Variants in ZNRF1 observed in about 807,000 individuals in gnomAD.
The protein encoded by ZNRF1 is zinc and ring finger 1, also known as E3 ubiquitin-protein ligase ZNRF1.
Under a neutral mutation model 18.4 loss-of-function variants are expected in ZNRF1, and 3 were observed. The ratio of observed to expected loss-of-function variants is 0.16; its 90% CI spans 0.07 to 0.42. The LOEUF is 0.42. Among genes scored for constraint, ZNRF1 ranks in the 10% least tolerant of loss-of-function variants. The probability of loss-of-function intolerance (pLI) is 0.99; values close to 1 mark genes in which losing one functional copy is unlikely to be tolerated. For missense variants in ZNRF1, 310 were observed against 329.8 expected (o/e 0.94, Z 0.47); for synonymous variants, 157 against 144.2 (o/e 1.09, Z -0.64).
At chr16:75,043,236 T>C (rs1364427084) in intron 1 of ZNRF1, among the ~76,000 whole-genome samples, 1 of 152,214 alleles carries the variant, frequency 6.6e-6, no homozygotes, top group Non-Finnish European at 1.5e-5. Flanking sequence ...GCCAGCTTCA[T>C]GGTTGATTGC....
intron 1 of ZNRF1, among the ~76,000 whole-genome samples, chr16:75,023,833 C>A (rs565375534): frequency 2.6e-5 from 4 of 152,048 alleles, no homozygotes; most frequent in Admixed American, 2.0e-4. Context: ...TATTATGGAG[C>A]CCTACAGGGG....
intron 1 of ZNRF1, among the ~76,000 whole-genome samples, chr16:75,005,410 C>T (rs2034904796): frequency 6.6e-6 from 1 of 152,144 alleles, no homozygotes; most frequent in Non-Finnish European, 1.5e-5. Flanking sequence ...AACAAAGACC[C>T]ACCTCAATAT....
At position 75,095,614 on chromosome 16, in the gene ZNRF1, C is replaced by T. The variant is rs1199234603; in HGVS notation, c.520+1947C>T. ...TTGTTGTAGGAAGAATACAAAGAAG[C>T]CTCAGAGGGGCTCAGCCTGAGAAAA... is the stretch of plus-strand genomic sequence containing the variant. On this transcript the variant is annotated intron_variant, in intron 2 of 4. Transcript: ENST00000335325. 5 of 1,548,850 alleles carry T rather than the reference C, an allele frequency of 3.2e-6. No individual in the cohort carries two copies. The South Asian group carries it at 4.8e-5, about 15-fold the overall frequency.
intron 1 of ZNRF1, among the ~76,000 whole-genome samples, chr16:75,024,811 C>A (rs1483536147): frequency 1.3e-5 from 2 of 152,188 alleles, no homozygotes; most frequent in African/African-American, 4.8e-5. Context: ...GTTCTTCCTG[C>A]TTCTTTCGTG....
At chr16:75,012,281 A>G (rs1465116611) in intron 1 of ZNRF1, among the ~76,000 whole-genome samples, 1 of 152,238 alleles carries the variant, frequency 6.6e-6, no homozygotes, top group African/African-American at 2.4e-5. Context: ...ACACCGTTGT[A>G]GTGTAAAAGG....
intron 1 of ZNRF1, among the ~76,000 whole-genome samples, chr16:75,023,763 A>C (rs1452858440): frequency 6.6e-6 from 1 of 152,020 alleles, no homozygotes; most frequent in East Asian, 1.9e-4. Flanking sequence ...GGGAAGAGCC[A>C]CTGACCCCCA....
At chr16:75,075,518 G>A (rs1217887746) in intron 1 of ZNRF1, among the ~76,000 whole-genome samples, 1 of 152,236 alleles carries the variant, frequency 6.6e-6, no homozygotes, top group African/African-American at 2.4e-5. Context: ...GCTGGGAATG[G>A]ACTCAGACAG....
chr16:75,055,180 A>C (rs1298959150), intron 1 of ZNRF1, among the ~76,000 whole-genome samples: 1 of 151,866 alleles, frequency 6.6e-6, no homozygotes, highest in East Asian at 1.9e-4. Context: ...CGTCATTTGG[A>C]CTCTTTCCAT....
rs148546303 is a variant in ZNRF1 at position 75,039,635 on chromosome 16, C to G, written c.424+39540C>G. 4.6e-5 allele frequency among the ~76,000 whole-genome samples: 7 copies of G among 152,294 alleles called. No individual in the cohort carries two copies. The East Asian group carries it at 1.3e-3, about 29-fold the overall frequency. ...CATCTCTGGTGAGACTTTGAAATCT[C>G]TGTTTTTAATGACTGGTCCTGGAGC... is the stretch of plus-strand genomic sequence containing the variant. On this transcript the variant is annotated intron_variant, in intron 1 of 4. Transcript: ENST00000335325.
chr16:75,095,619 G>T lies in ZNRF1; in HGVS notation c.520+1952G>T, dbSNP rs559514067. ...GTAGGAAGAATACAAAGAAGCCTCA[G>T]AGGGGCTCAGCCTGAGAAAACCTGG... On this transcript the variant is annotated intron_variant, in intron 2 of 4. Coordinates refer to ENST00000335325, the MANE Select transcript of ZNRF1 (RefSeq NM_032268.5). The T allele has an allele frequency of 5.8e-6, 9 of 1,549,386 alleles. No homozygotes were observed. In the African/African-American group the frequency reaches 1.2e-4, roughly 21 times the overall value.
intron 1 of ZNRF1, among the ~76,000 whole-genome samples, chr16:75,030,754 A>G (rs2035291072): frequency 1.3e-5 from 2 of 151,430 alleles, no homozygotes; most frequent in African/African-American, 4.9e-5. Context: ...TATAACGCAT[A>G]GCTTTTAGCA....
chr16:75,004,209 T>G (rs1157212583), intron 1 of ZNRF1, among the ~76,000 whole-genome samples: 1 of 152,186 alleles, frequency 6.6e-6, no homozygotes, highest in African/African-American at 2.4e-5. Context: ...TTCTGTGTCC[T>G]AAAGTCTGGC....
chr16:75,033,686 C>T (rs1461993542), intron 1 of ZNRF1, among the ~76,000 whole-genome samples: 1 of 152,138 alleles, frequency 6.6e-6, no homozygotes, highest in African/African-American at 2.4e-5. Context: ...ATCTGTTTCC[C>T]TCGGCCTCCC....
chr16:75,053,668 C>G, intron 1 of ZNRF1, among the ~76,000 whole-genome samples: 1 of 151,922 alleles, frequency 6.6e-6, no homozygotes, highest in East Asian at 1.9e-4. Context: ...TTCCCTAATG[C>G]CCATGATAGA....
intron 1 of ZNRF1, among the ~76,000 whole-genome samples, chr16:75,004,761 C>T (rs554369082): frequency 9.2e-5 from 14 of 152,138 alleles, no homozygotes; most frequent in African/African-American, 3.4e-4. Flanking sequence ...CTCAGGTGCG[C>T]ACCACTACAC....
chr16:75,044,461 A>G (rs1012225334), intron 1 of ZNRF1, among the ~76,000 whole-genome samples: 1 of 151,812 alleles, frequency 6.6e-6, no homozygotes, highest in Non-Finnish European at 1.5e-5. Flanking sequence ...TCCTGATCTC[A>G]AGTGATCTGC....
chr16:75,070,230 A>C (rs942517888), intron 1 of ZNRF1, among the ~76,000 whole-genome samples: 14 of 152,108 alleles, frequency 9.2e-5, no homozygotes, highest in Non-Finnish European at 1.6e-4. Context: ...AGGGACCTTC[A>C]TGTTTGGCAG....
intron 1 of ZNRF1, among the ~76,000 whole-genome samples, chr16:75,059,255 T>TA (rs1413232587): frequency 1.4e-5 from 2 of 138,432 alleles, no homozygotes; most frequent in Non-Finnish European, 3.1e-5. Context: ...CTTTTTTTTT[T>TA]TTTTTTTGTG....
chr16:75,010,701 G>GTT lies in ZNRF1; in HGVS notation c.424+10614_424+10615dup, dbSNP rs1334552920. On this transcript the variant is annotated intron_variant, in intron 1 of 4. Transcript: ENST00000335325. ...AAATTAGTCACCTCTGTACTGTACT[G>GTT]TTTTTTTTTGTTTTTTTGTTTTTTT... Among the ~76,000 whole-genome samples the GTT allele has an allele frequency of 3.9e-4, 25 of 63,804 alleles. 1 individual carries two copies. Among genetic ancestry groups the GTT allele is most frequent in the East Asian group, 1.5e-3 (1 of 648 alleles). 41.9% of individuals were successfully genotyped at this position (63,804 alleles called of 152,430 possible). A position where few individuals can be genotyped will look rare whatever the true frequency, so the allele number is the denominator to read the frequency against.
Sources: gnomAD v4.1 joint callset for allele counts (sites outside exome capture counted in the v4.1 genomes callset) on GRCh38, gnomAD v4.1.1 for gene constraint, MANE v1.5 for transcripts, NCBI Gene and HGNC (gene_info 2026-07-23, HGNC 2026-07-21) for gene names.